Variants in PLXNB2 observed in about 807,000 individuals in gnomAD.
PLXNB2 encodes the protein plexin B2.
PLXNB2 carries 85 observed loss-of-function variants against 202.6 expected under a neutral mutation model. That is an observed-to-expected ratio of 0.42 (90% CI 0.35 to 0.50). The LOEUF (loss-of-function observed/expected upper bound fraction) is 0.50, where lower values mean the gene tolerates loss of function less well. Among genes scored for constraint, PLXNB2 ranks in the 20% least tolerant of loss-of-function variants. The pLI, the probability that PLXNB2 is intolerant of heterozygous loss-of-function variation, is 0.02. For missense variants in PLXNB2, 2,063 were observed against 2,586.2 expected, an observed-to-expected ratio of 0.80 and a Z score of 4.39; for synonymous variants, 1,239 against 1,137.6, an observed-to-expected ratio of 1.09 and a Z score of -1.79.
chr22:50,287,903 C>A, intron 6 of PLXNB2, 34 bp downstream of exon 6: 2 of 1,580,590 alleles, frequency 1.3e-6, no homozygotes, highest in Non-Finnish European at 8.6e-7. Flanking sequence ...ATCCCAGAGG[C>A]AGGCCGTGTC....
intron 18 of PLXNB2, 32 bp downstream of exon 18, chr22:50,282,679 A>G (rs2066093842): frequency 6.7e-7 from 1 of 1,495,916 alleles, no homozygotes; most frequent in Admixed American, 1.8e-5. Flanking sequence ...GGGTGTGGGG[A>G]GCAGAGGGGG....
rs201873571 is a variant in PLXNB2 at position 50,286,011 on chromosome 22, G to A, written c.1965C>T (p.Asp655=). The A allele has an allele frequency of 3.3e-5, 53 of 1,612,276 alleles. No individual in the cohort carries two copies. The highest frequency in any genetic ancestry group is 4.5e-5 in the East Asian group (2 of 44,888). The change falls in exon 10 of 37, where the codon GAC becomes GAT. Residue 655 remains aspartate, a synonymous_variant. Coordinates refer to ENST00000359337, the MANE Select transcript of PLXNB2 (RefSeq NM_012401.4). ...ECREASPNPE[D]GIVRAHMEDS... The stretch of plus-strand genomic sequence containing the variant: ...TCACCATGTGGGCACGGACGATGCC[G>A]TCCTCAGGGTTGGGCGAAGCCTCCC...
Position 50,275,881 on chromosome 22 carries a change from G to C in PLXNB2, c.5412+8C>G, listed in dbSNP as rs376653010. ...CACCTGCCCCCGCCCCCGGGGGCCTGACCCTACCTCGTCATAGTACTTCTG... is the reference window on the plus strand; with the variant it reads ...CACCTGCCCCCGCCCCCGGGGGCCTCACCCTACCTCGTCATAGTACTTCTG... On this transcript the variant is annotated splice_region_variant and intron_variant, in intron 36 of 36. Coordinates refer to ENST00000359337, the MANE Select transcript of PLXNB2 (RefSeq NM_012401.4). The C allele has an allele frequency of 6.2e-7, 1 of 1,612,378 alleles. No homozygotes were observed.
intron 35 of PLXNB2, 85 bp downstream of exon 35, chr22:50,276,544 C>A (rs2065609935): frequency 8.4e-7 from 1 of 1,191,480 alleles, no homozygotes; most frequent in South Asian, 1.2e-5. Context: ...ACCACATTAC[C>A]CCTGCCCTGC....
rs762856215 is a variant in PLXNB2, at chr22:50,281,351, C to T, written c.3662+9G>A. The T allele has an allele frequency of 1.6e-5, 25 of 1,610,928 alleles. No homozygotes were observed. The highest frequency in any genetic ancestry group is 1.3e-4 in the East Asian group (6 of 44,810). On this transcript the variant is annotated intron_variant, in intron 22 of 36. Transcript: ENST00000359337. ...TCAGGGTGTTGGCACAGCCGGGGGG[C>T]GGGCTCACCAGTAGCAGTAGACAGA... is the stretch of plus-strand genomic sequence containing the variant.
intron 1 of PLXNB2, among the ~76,000 whole-genome samples, chr22:50,295,200 A>T (rs981759710): frequency 5.9e-5 from 9 of 151,472 alleles, no homozygotes; most frequent in African/African-American, 2.2e-4. Flanking sequence ...GGGCAGCTGT[A>T]GTCCCAGCTA....
Position 50,290,334 on chromosome 22 carries a change from G to A in PLXNB2, c.251C>T (p.Ala84Val). ...DNKKCTPPIE[A>V]SQCHEAEMTD... ...CATCTCAGCCTCATGGCACTGGCTG[G>A]CCTCGATGGGCGGCGTGCACTTCTT... Residue 84 changes from alanine to valine, a missense_variant, in exon 3 of 37, where the codon GCC (alanine) becomes GTC (valine). Around this residue, in one of 2 missense-constraint regions of PLXNB2, gnomAD observed 1,303 missense variants for 1,476.8 expected, o/e 0.88. Transcript: ENST00000359337. The A allele has an allele frequency of 6.2e-7, 1 of 1,612,368 alleles. No homozygotes were observed. The highest frequency in any genetic ancestry group is 8.5e-7 in the Non-Finnish European group (1 of 1,179,990).
rs766643951 is a variant in PLXNB2 at position 50,288,940 on chromosome 22, C to A, written c.1251+20G>T. The A allele has an allele frequency of 6.2e-7, 1 of 1,605,920 alleles. No individual in the cohort carries two copies. Among genetic ancestry groups the A allele is most frequent in the Non-Finnish European group, 8.5e-7 (1 of 1,174,304 alleles). Reference sequence around the variant, plus strand: ...ACAGACGGGCCCTCCAGAGCCTCCCCGCCCCAGCCTGGGCCAAACCTTGAG... The same window carrying A: ...ACAGACGGGCCCTCCAGAGCCTCCCAGCCCCAGCCTGGGCCAAACCTTGAG... On this transcript the variant is annotated intron_variant, in intron 4 of 36. Transcript: ENST00000359337. This position sits in a 1 kb window ranked among gnomAD's most constrained non-coding sequence, Gnocchi z 5.0.
rs1170683020 is a variant in PLXNB2 at position 50,275,640 on chromosome 22, T to G, written c.*64A>C. On this transcript the variant is annotated 3_prime_UTR_variant, in exon 37 of 37. Transcript: ENST00000359337. ...CCTCAGCCACAGCCACTCGGCCTCC[T>G]CCCCTGAGGGGCTCTCAGGTACCTC... 3.4e-6 allele frequency: 4 copies of G among 1,187,522 alleles called. No individual in the cohort carries two copies. The highest frequency in any genetic ancestry group is 2.4e-5 in the East Asian group (1 of 42,022). 73.6% of individuals were successfully genotyped at this position (1,187,522 alleles called of 1,614,324 possible).
In PLXNB2 at chr22:50,278,523, G is replaced by A. The variant is rs754835888; in HGVS notation, c.4648-4C>T. On this transcript the variant is annotated splice_region_variant and splice_polypyrimidine_tract_variant and intron_variant, in intron 29 of 36. Coordinates refer to ENST00000359337, the MANE Select transcript of PLXNB2 (RefSeq NM_012401.4). Reference sequence around the variant, plus strand: ...TGAGGGTGGCTCCATCCCGGACCTGGGGAACACGGCGGTGAGGGTGGGCTG... The same window carrying A: ...TGAGGGTGGCTCCATCCCGGACCTGAGGAACACGGCGGTGAGGGTGGGCTG... The A allele has an allele frequency of 1.9e-6, 3 of 1,576,306 alleles. No individual in the cohort carries two copies. In the South Asian group the frequency reaches 3.5e-5, roughly 18 times the overall value.
chr22:50,276,397 C>G (rs200232296), intron 35 of PLXNB2, among the ~76,000 whole-genome samples: 442 of 4,612 alleles, frequency 0.096, 1 homozygote, highest in African/African-American at 0.12. Flanking sequence ...GCCGTGGGTG[C>G]AGCCGCAGGG....
In PLXNB2 at chr22:50,275,657, A is replaced by G; in HGVS notation, c.*47T>C. ...CGGCCTCCTCCCCTGAGGGGCTCTC[A>G]GGTACCTCAGGTACCTATGTCCCAA... is the stretch of plus-strand genomic sequence containing the variant. On this transcript the variant is annotated 3_prime_UTR_variant, in exon 37 of 37. Coordinates refer to ENST00000359337, the MANE Select transcript of PLXNB2 (RefSeq NM_012401.4). 7.6e-7 allele frequency: 1 copy of G among 1,317,022 alleles called. No individual in the cohort carries two copies. Among genetic ancestry groups the G allele is most frequent in the South Asian group, 1.3e-5 (1 of 74,972 alleles). The allele number at this position is 1,317,022 out of a possible 1,614,324, so 81.6% of individuals were successfully genotyped here. A position where few individuals can be genotyped will look rare whatever the true frequency, so the allele number is the denominator to read the frequency against.
intron 29 of PLXNB2, 38 bp downstream of exon 29, chr22:50,278,558 G>C (rs1029369781): frequency 1.9e-6 from 3 of 1,596,640 alleles, no homozygotes; most frequent in Non-Finnish European, 2.6e-6. Context: ...GTGCCCCCAG[G>C]GTGCCCAGTT....
rs142698988 is a variant in PLXNB2 at position 50,281,014 on chromosome 22, G to A, written c.3764-41C>T. The A allele has an allele frequency of 8.5e-4, 1,357 of 1,601,820 alleles. 21 individuals carry two copies. The East Asian group carries it at 0.027, about 32-fold the overall frequency. ...CGTGAGACGTCCCTGGCCACGTGGG[G>A]CCCTGACCCCCACGCTACACACAGC... On this transcript the variant is annotated intron_variant, in intron 23 of 36. Transcript: ENST00000359337.
At chr22:50,303,717 T>G (rs1038328710) in intron 1 of PLXNB2, among the ~76,000 whole-genome samples, 5 of 152,254 alleles carry the variant, frequency 3.3e-5, no homozygotes, top group African/African-American at 1.2e-4. Context: ...TGGAAGCTGC[T>G]GACCAGCTGT....
rs762709399 is a variant in PLXNB2 at position 50,284,651 on chromosome 22, G to A, written c.2103C>T (p.His701=). The A allele has an allele frequency of 6.1e-5, 99 of 1,612,338 alleles. No individual in the cohort carries two copies. The highest frequency in any genetic ancestry group is 8.3e-5 in the Admixed American group (5 of 59,968). The stretch of plus-strand genomic sequence containing the variant: ...TGAACTTGAGCAAGTCACTGCCCAC[G>A]TGCAGGGAGGAACCCTGCAGACCAT... ...NLDTVKGSSL[H]VGSDLLKFME... Residue 701 remains histidine, a synonymous_variant, in exon 12 of 37, where the codon CAC becomes CAT. Transcript: ENST00000359337. This position sits in a 1 kb window ranked among gnomAD's most constrained non-coding sequence, Gnocchi z 8.0.
chr22:50,286,427 A>C, intron 8 of PLXNB2, 140 bp from the exon 9 acceptor site: 1 of 621,108 alleles, frequency 1.6e-6, no homozygotes, highest in Non-Finnish European at 2.9e-6. Context: ...CCCCGCATTC[A>C]TGTTGGGCGG....
chr22:50,290,521 G>A lies in PLXNB2; in HGVS notation c.64C>T (p.Pro22Ser). Residue 22 changes from proline (P) to serine (S), a missense_variant, in exon 3 of 37, where the codon CCC (proline) becomes TCC (serine). Around this residue, in one of 2 missense-constraint regions of PLXNB2, gnomAD observed 1,303 missense variants for 1,476.8 expected, o/e 0.88. Transcript: ENST00000359337. ...CTGCGGAAGAAGTCCAGCTTGCGGGGCCTCAGGCTGGCACCTGCGCCCAGC... is the reference window on the plus strand; with the variant it reads ...CTGCGGAAGAAGTCCAGCTTGCGGGACCTCAGGCTGGCACCTGCGCCCAGC... ...GLLGAGASLR[P>S]RKLDFFRSEK... The A allele has an allele frequency of 1.2e-6, 2 of 1,612,402 alleles. No homozygotes were observed. Among genetic ancestry groups the A allele is most frequent in the Non-Finnish European group, 1.7e-6 (2 of 1,179,942 alleles).
chr22:50,284,452 G>T lies in PLXNB2; in HGVS notation c.2181+121C>A. 1.2e-6 allele frequency: 1 copy of T among 801,310 alleles called. No individual in the cohort carries two copies. The highest frequency in any genetic ancestry group is 2.0e-6 in the Non-Finnish European group (1 of 489,788). The allele number at this position is 801,310 out of a possible 1,614,324, so 49.6% of individuals were successfully genotyped here. On this transcript the variant is annotated intron_variant, in intron 12 of 36. Transcript: ENST00000359337. The surrounding 1 kb of genome is among the most constrained non-coding windows in gnomAD (Gnocchi z 8.0). ...CAGCACAGGGCATGGCGAGCCCCTG[G>T]CTGGGCTCTGGTCCCTGGGGTCTCC...
Sources: gnomAD v4.1 joint callset for allele counts (sites outside exome capture counted in the v4.1 genomes callset) on GRCh38, gnomAD v4.1.1 for gene constraint, gnomAD v4.1.1 regional missense constraint, Gnocchi (gnomAD v3.1) non-coding constraint, MANE v1.5 for transcripts, NCBI Gene and HGNC (gene_info 2026-07-23, HGNC 2026-07-21) for gene names.